Variants in SHANK2 observed in about 807,000 individuals in gnomAD.
SHANK2 encodes SH3 and multiple ankyrin repeat domains 2, also known as SH3 and multiple ankyrin repeat domains protein 2.
A neutral mutation model predicts 133.7 loss-of-function variants in SHANK2; 43 were observed. That is an observed-to-expected ratio of 0.32 (90% CI 0.25 to 0.41). The LOEUF (loss-of-function observed/expected upper bound fraction) is 0.41. Ranked by LOEUF, SHANK2 falls within the 10% of genes least tolerant of loss-of-function variation. The probability of loss-of-function intolerance (pLI) is 1.00; values close to 1 mark genes in which losing one functional copy is unlikely to be tolerated. For missense variants in SHANK2, 1,994 were observed against 2,235.8 expected, an observed-to-expected ratio of 0.89 and a Z score of 2.18; for synonymous variants, 1,017 against 952.8, an observed-to-expected ratio of 1.07 and a Z score of -1.24.
At chr11:71,156,115 C>A (rs1224622606) in intron 2 of SHANK2, among the ~76,000 whole-genome samples, 1 of 152,192 alleles carries the variant, frequency 6.6e-6, no homozygotes, top group Non-Finnish European at 1.5e-5. Flanking sequence ...GAGGACCCAG[C>A]CCTGCCACAC....
chr11:70,520,482 C>G (rs1428594218), intron 17 of SHANK2, among the ~76,000 whole-genome samples: 1 of 152,158 alleles, frequency 6.6e-6, no homozygotes, highest in Admixed American at 6.5e-5. Context: ...GGTAAAGAGC[C>G]ATTCCTGTCA....
intron 3 of SHANK2, among the ~76,000 whole-genome samples, chr11:71,126,923 T>C (rs1952202720): frequency 2.0e-5 from 3 of 152,086 alleles, no homozygotes; most frequent in African/African-American, 7.2e-5. Context: ...GCCAGGATGA[T>C]CTCGATCTCC....
intron 9 of SHANK2, among the ~76,000 whole-genome samples, chr11:71,073,271 G>A (rs1325511667): frequency 6.7e-6 from 1 of 149,128 alleles, no homozygotes; most frequent in African/African-American, 2.5e-5. Flanking sequence ...CAATTCTCTT[G>A]CCTCAGCCTC....
At chr11:70,857,575 G>C (rs949946558) in intron 11 of SHANK2, among the ~76,000 whole-genome samples, 4 of 152,168 alleles carry the variant, frequency 2.6e-5, no homozygotes, top group Non-Finnish European at 1.5e-5. Context: ...GGAGGGCCAA[G>C]CCCTTGGGCA....
intron 1 of SHANK2, among the ~76,000 whole-genome samples, chr11:71,232,991 C>T (rs1555123175): frequency 2.0e-5 from 3 of 152,114 alleles, no homozygotes; most frequent in Admixed American, 2.0e-4. Flanking sequence ...AGGCATACAA[C>T]TAAAAATAAT....
intron 17 of SHANK2, among the ~76,000 whole-genome samples, chr11:70,610,456 C>T (rs1271909408): frequency 6.6e-6 from 1 of 152,200 alleles, no homozygotes; most frequent in Non-Finnish European, 1.5e-5. Context: ...TGGCACATGA[C>T]ACGCCTGTGC....
Position 71,092,435 on chromosome 11 carries a change from T to C in SHANK2, c.899A>G (p.His300Arg), listed in dbSNP as rs1951534660. Residue 300 changes from histidine (H) to arginine (R), a missense_variant, in exon 8 of 26, where the codon CAC (histidine) becomes CGC (arginine). Physicochemically the swap from His to Arg is conservative, Grantham distance 29. This residue lies in a region of SHANK2 where 653 missense variants were observed against 563.4 expected (regional missense o/e 1.16). Coordinates refer to ENST00000601538, the MANE Select transcript of SHANK2 (RefSeq NM_012309.5). ...TVCCKDENGW[H>R]EIHQACRYGH... ...GGGCCCACGTACCTGGTGGATCTCG[T>C]GCCAGCCGTTCTCATCTTTGCAGCA... 3 of 1,551,232 alleles carry C rather than the reference T, an allele frequency of 1.9e-6. 1 individual carries two copies. Among genetic ancestry groups the C allele is most frequent in the African/African-American group, 1.4e-5 (1 of 73,016 alleles).
intron 8 of SHANK2, among the ~76,000 whole-genome samples, chr11:71,075,652 C>T (rs1951208910): frequency 6.6e-6 from 1 of 152,196 alleles, no homozygotes; most frequent in South Asian, 2.1e-4. Context: ...AACCAGAAGG[C>T]TCAGACCCGG....
At chr11:70,745,199 G>A (rs114265201) in intron 14 of SHANK2, among the ~76,000 whole-genome samples, 3,638 of 152,324 alleles carry the variant, frequency 0.024, 137 homozygotes, top group African/African-American at 0.083. Flanking sequence ...CAGTGCTAGT[G>A]AGCCCCGCCT....
chr11:70,537,444 C>G (rs2059559538), intron 17 of SHANK2, among the ~76,000 whole-genome samples: 1 of 152,240 alleles, frequency 6.6e-6, no homozygotes, highest in Admixed American at 6.5e-5. Context: ...AGGAGACACA[C>G]AGCTGGGAGA....
intron 14 of SHANK2, among the ~76,000 whole-genome samples, chr11:70,769,386 A>G (rs1476930111): frequency 6.6e-6 from 1 of 152,204 alleles, no homozygotes; most frequent in Admixed American, 6.5e-5. Context: ...AGGAGGATCC[A>G]GGAGAAATGC....
intron 14 of SHANK2, among the ~76,000 whole-genome samples, chr11:70,760,186 T>C (rs1480352947): frequency 1.3e-5 from 2 of 152,234 alleles, no homozygotes; most frequent in African/African-American, 2.4e-5. Flanking sequence ...CAGGACCTGC[T>C]TTGTGAATAT....
chr11:70,618,603 C>T (rs1383463260), intron 17 of SHANK2, among the ~76,000 whole-genome samples: 1 of 152,180 alleles, frequency 6.6e-6, no homozygotes, highest in Non-Finnish European at 1.5e-5. Flanking sequence ...AGGCTGGCTA[C>T]TTAGAGCAGA....
At chr11:70,770,132 C>A (rs2135041335) in intron 14 of SHANK2, among the ~76,000 whole-genome samples, 1 of 152,344 alleles carries the variant, frequency 6.6e-6, no homozygotes, top group South Asian at 2.1e-4. Flanking sequence ...CCCTTCTCAG[C>A]TGAGTATGTG....
intron 15 of SHANK2, among the ~76,000 whole-genome samples, chr11:70,688,806 G>A (rs1461222986): frequency 6.6e-6 from 1 of 152,054 alleles, no homozygotes; most frequent in Non-Finnish European, 1.5e-5. Flanking sequence ...TCATGACTCG[G>A]CAGGGACACT....
chr11:70,817,565 C>T (rs537340370), intron 12 of SHANK2, among the ~76,000 whole-genome samples: 14 of 152,310 alleles, frequency 9.2e-5, no homozygotes, highest in South Asian at 2.1e-4. Flanking sequence ...ACTCTACCAA[C>T]GGTTCTAGGT....
chr11:70,483,536 CAAAAAAAAAA>C (rs10590898), intron 25 of SHANK2, among the ~76,000 whole-genome samples: 8 of 44,538 alleles, frequency 1.8e-4, no homozygotes, highest in African/African-American at 5.2e-4. Flanking sequence ...TCATCTCTAC[CAAAAAAAAAA>C]AAAAAAAAAA....
intron 17 of SHANK2, among the ~76,000 whole-genome samples, chr11:70,626,051 G>A (rs188367436): frequency 6.6e-6 from 1 of 152,118 alleles, no homozygotes; most frequent in East Asian, 1.9e-4. Context: ...TCACTCCCAG[G>A]CAGCCTCCGT....
rs1555153971 is a variant in SHANK2 at position 70,486,896 on chromosome 11, C to T, written c.3397G>A (p.Ala1133Thr). The change falls in exon 25 of 26, where the codon GCT becomes ACT. Residue 1133 changes from alanine (A) to threonine (T), a missense_variant. Transcript: ENST00000601538. The surrounding 1 kb of genome is among the most constrained non-coding windows in gnomAD (Gnocchi z 8.0). ...AGCTGCTCAGCGCTGTCCTCGTCAG[C>T]AAAATCCCCCTCCTCGGGGAACATG... is the stretch of plus-strand genomic sequence containing the variant. ...PSMFPEEGDF[A>T]DEDSAEQLSS... 6.2e-7 allele frequency: 1 copy of T among 1,612,690 alleles called. No individual in the cohort carries two copies. The highest frequency in any genetic ancestry group is 2.2e-5 in the East Asian group (1 of 44,872).
Sources: gnomAD v4.1 joint callset for allele counts (sites outside exome capture counted in the v4.1 genomes callset) on GRCh38, gnomAD v4.1.1 for gene constraint, gnomAD v4.1.1 regional missense constraint, Gnocchi (gnomAD v3.1) non-coding constraint, MANE v1.5 for transcripts, NCBI Gene and HGNC (gene_info 2026-07-23, HGNC 2026-07-21) for gene names.